ZNF804B: variants seen among roughly 807,000 people sequenced by gnomAD.
The protein encoded by ZNF804B is zinc finger 804B.
A neutral mutation model predicts 101.4 loss-of-function variants in ZNF804B; 80 were observed. The observed-to-expected ratio is 0.79, with a 90% CI of 0.66 to 0.95. The LOEUF (loss-of-function observed/expected upper bound fraction) is 0.95. ZNF804B is among the 40% of genes least tolerant of loss of function. The pLI, the probability that ZNF804B is intolerant of heterozygous loss-of-function variation, is 0.00. For missense variants in ZNF804B, 1,673 were observed against 1,561.9 expected (o/e 1.07, Z -1.20); for synonymous variants, 622 against 558.8 (o/e 1.11, Z -1.59).
At chr7:89,022,200 G>T (rs2116216635) in intron 1 of ZNF804B, among the ~76,000 whole-genome samples, 1 of 152,224 alleles carries the variant, frequency 6.6e-6, no homozygotes, top group East Asian at 1.9e-4. Context: ...CATCTCCCCT[G>T]CTGCCTTCTA....
intron 2 of ZNF804B, among the ~76,000 whole-genome samples, chr7:89,285,372 A>T (rs1234121490): frequency 6.6e-6 from 1 of 151,478 alleles, no homozygotes; most frequent in African/African-American, 2.4e-5. Context: ...AATACAAAAA[A>T]ATTAGCTGGG....
intron 1 of ZNF804B, among the ~76,000 whole-genome samples, chr7:88,881,838 TGTAA>T (rs1039962847): frequency 6.6e-6 from 1 of 152,210 alleles, no homozygotes; most frequent in African/African-American, 2.4e-5. Flanking sequence ...TTCTGGGAAC[TGTAA>T]GTAACATTTA....
intron 1 of ZNF804B, among the ~76,000 whole-genome samples, chr7:88,962,957 A>G (rs1246440480): frequency 6.6e-6 from 1 of 150,788 alleles, no homozygotes; most frequent in Non-Finnish European, 1.5e-5. Context: ...TAGACAATTA[A>G]CATGTTTAGC....
At chr7:89,287,252 G>A (rs1312007673) in intron 2 of ZNF804B, among the ~76,000 whole-genome samples, 1 of 152,102 alleles carries the variant, frequency 6.6e-6, no homozygotes, top group Admixed American at 6.5e-5. Context: ...GTTATACTCA[G>A]CATGGGGTTG....
chr7:89,238,543 A>T (rs771354503), intron 2 of ZNF804B, among the ~76,000 whole-genome samples: 1 of 152,176 alleles, frequency 6.6e-6, no homozygotes, highest in Non-Finnish European at 1.5e-5. Flanking sequence ...ATTTATATGT[A>T]TGTGTATCCT....
At chr7:89,040,340 T>C (rs1233325255) in intron 1 of ZNF804B, among the ~76,000 whole-genome samples, 1 of 152,160 alleles carries the variant, frequency 6.6e-6, no homozygotes, top group Non-Finnish European at 1.5e-5. Context: ...AAATGACCTG[T>C]CTTTGAACTC....
intron 1 of ZNF804B, among the ~76,000 whole-genome samples, chr7:89,061,459 A>G (rs1329707768): frequency 1.3e-5 from 2 of 151,950 alleles, no homozygotes; most frequent in Non-Finnish European, 2.9e-5. Flanking sequence ...ATTTAAGCTT[A>G]TGTTCAAAAT....
intron 1 of ZNF804B, among the ~76,000 whole-genome samples, chr7:89,062,116 G>A (rs2116283303): frequency 6.6e-6 from 1 of 152,094 alleles, no homozygotes; most frequent in African/African-American, 2.4e-5. Flanking sequence ...CAGAAAGAAG[G>A]CCCTTCTCAT....
chr7:88,829,827 G>T (rs971782326), intron 1 of ZNF804B, among the ~76,000 whole-genome samples: 4 of 152,028 alleles, frequency 2.6e-5, no homozygotes, highest in Non-Finnish European at 5.9e-5. Flanking sequence ...CATAAATTGT[G>T]CTATAATATT....
rs751245503 is a variant in ZNF804B at position 89,336,887 on chromosome 7, C to T, written c.3905C>T (p.Pro1302Leu). 4.3e-6 allele frequency: 7 copies of T among 1,614,092 alleles called. No individual in the cohort carries two copies. In the Admixed American group the frequency reaches 1.0e-4, roughly 23 times the overall value. The change falls in exon 4 of 4, where the codon CCA (proline) becomes CTA (leucine). Residue 1302 changes from proline (P) to leucine (L), a missense_variant. By Grantham distance (98) the Pro-to-Leu change is moderately conservative. Coordinates refer to ENST00000333190, the MANE Select transcript of ZNF804B (RefSeq NM_181646.5). ...ACATTGTTTGGTCCTCACTTAAATC[C>T]AGCCACAACTTCTATCATCCACTTG... ...IPTLFGPHLN[P>L]ATTSIIHLNP...
intron 1 of ZNF804B, among the ~76,000 whole-genome samples, chr7:88,802,257 A>T (rs1000393387): frequency 6.6e-6 from 1 of 152,180 alleles, no homozygotes; most frequent in African/African-American, 2.4e-5. Context: ...TAGTATCTTT[A>T]TAACAGTGCG....
intron 1 of ZNF804B, among the ~76,000 whole-genome samples, chr7:88,812,532 A>G (rs1194917900): frequency 6.6e-6 from 1 of 152,194 alleles, no homozygotes; most frequent in Non-Finnish European, 1.5e-5. Context: ...AAAAGAATCA[A>G]AAGTAGGGTC....
chr7:89,225,291 A>G (rs1288909192), intron 2 of ZNF804B, among the ~76,000 whole-genome samples: 3 of 152,150 alleles, frequency 2.0e-5, no homozygotes, highest in Non-Finnish European at 4.4e-5. Context: ...ATAATAGGAT[A>G]TCTACAAACA....
chr7:89,282,850 T>G (rs1193889073), intron 2 of ZNF804B, among the ~76,000 whole-genome samples: 2 of 152,124 alleles, frequency 1.3e-5, no homozygotes, highest in Non-Finnish European at 2.9e-5. Context: ...GACCCAGAGT[T>G]TCCCCTAGAC....
chr7:88,794,336 C>T, intron 1 of ZNF804B: 1 of 1,613,890 alleles, frequency 6.2e-7, no homozygotes, highest in Non-Finnish European at 8.5e-7. Context: ...TCAGGTGCAA[C>T]TTGGTGTAAG....
At chr7:89,128,496 A>C (rs1403134896) in intron 1 of ZNF804B, among the ~76,000 whole-genome samples, 2 of 152,018 alleles carry the variant, frequency 1.3e-5, no homozygotes, top group African/African-American at 4.8e-5. Context: ...AAGTGTTAAC[A>C]AGAATGTTTT....
intron 1 of ZNF804B, among the ~76,000 whole-genome samples, chr7:88,955,441 G>C (rs1262098747): frequency 1.3e-5 from 2 of 151,620 alleles, no homozygotes; most frequent in Non-Finnish European, 3.0e-5. Flanking sequence ...AGCTGGAAAA[G>C]CAAGCCTTTG....
intron 1 of ZNF804B, among the ~76,000 whole-genome samples, chr7:89,029,891 T>C (rs1166878012): frequency 1.3e-5 from 2 of 152,150 alleles, no homozygotes; most frequent in African/African-American, 4.8e-5. Flanking sequence ...GTCTACTTAA[T>C]GAGAGCAGCA....
chr7:89,231,063 A>T (rs755205283), intron 2 of ZNF804B, among the ~76,000 whole-genome samples: 2 of 152,036 alleles, frequency 1.3e-5, no homozygotes, highest in Non-Finnish European at 2.9e-5. Flanking sequence ...ATTTCTCTGA[A>T]TATTTTATAA....
Sources: gnomAD v4.1 joint callset for allele counts (sites outside exome capture counted in the v4.1 genomes callset) on GRCh38, gnomAD v4.1.1 for gene constraint, MANE v1.5 for transcripts, NCBI Gene and HGNC (gene_info 2026-07-23, HGNC 2026-07-21) for gene names.